CD47: variants seen among roughly 807,000 people sequenced by gnomAD.
CD47 encodes leukocyte surface antigen CD47.
A neutral mutation model predicts 44.6 loss-of-function variants in CD47; 11 were observed. The ratio of observed to expected loss-of-function variants is 0.25; its 90% CI spans 0.16 to 0.41. The LOEUF is 0.41. CD47 is among the 10% of genes least tolerant of loss of function. CD47 has a pLI of 1.00. For synonymous variants in CD47, 140 were observed against 136.3 expected (o/e 1.03, Z -0.19); for missense variants, 306 against 386.7 (o/e 0.79, Z 1.75).
intron 6 of CD47, among the ~76,000 whole-genome samples, chr3:108,058,018 ACT>A (rs2078942073): frequency 6.6e-6 from 1 of 152,094 alleles, no homozygotes; most frequent in African/African-American, 2.4e-5. Flanking sequence ...ATGAACAAAA[ACT>A]CTTATTTATT....
chr3:108,060,648 T>C (rs577297959), intron 4 of CD47, 97 bp downstream of exon 4: 2 of 767,894 alleles, frequency 2.6e-6, no homozygotes, highest in Non-Finnish European at 4.5e-6. Context: ...TTTGTGGTCA[T>C]CTGTTCCAAC....
At chr3:108,084,335 C>T (rs1480804082) in intron 1 of CD47, among the ~76,000 whole-genome samples, 1 of 151,784 alleles carries the variant, frequency 6.6e-6, no homozygotes, top group African/African-American at 2.4e-5. Context: ...CTCTTTCTTG[C>T]TCTTCTCTCT....
At chr3:108,055,606 T>C (rs751850940) in intron 7 of CD47, 35 of 1,159,716 alleles carry the variant, frequency 3.0e-5, no homozygotes, top group Non-Finnish European at 3.7e-5. Context: ...TAATTTAGGA[T>C]ACTATCAATA....
intron 2 of CD47, 62 bp downstream of exon 2, chr3:108,079,929 C>G (rs2079384386): frequency 8.7e-7 from 1 of 1,151,170 alleles, no homozygotes; most frequent in African/African-American, 1.6e-5. Flanking sequence ...TTGGCCTCCT[C>G]TCGAAAGAGG....
Position 108,058,429 on chromosome 3 carries a change from G to A in CD47, c.692C>T (p.Ala231Val), listed in dbSNP as rs1176172930. 1.0e-5 allele frequency: 16 copies of A among 1,551,024 alleles called. No homozygotes were observed. Among genetic ancestry groups the A allele is most frequent in the East Asian group, 4.7e-5 (2 of 42,806 alleles). ...AATGACGAAGGAGGTTAATCCAATCGCTGGAGGAAGGAAAAGGATGTAACA... is the reference window on the plus strand; with the variant it reads ...AATGACGAAGGAGGTTAATCCAATCACTGGAGGAAGGAAAAGGATGTAACA... ...ILLHYYVFST[A>V]IGLTSFVIAI... Residue 231 changes from alanine to valine, a missense_variant and splice_region_variant, in exon 6 of 11, where the codon GCG (alanine) becomes GTG (valine). By Grantham distance (64) the Ala-to-Val change is moderately conservative (BLOSUM62 0). This residue lies in a region of CD47 where 131 missense variants were observed against 135.3 expected (regional missense o/e 0.97). Coordinates refer to ENST00000361309, the MANE Select transcript of CD47 (RefSeq NM_001777.4).
chr3:108,075,760 G>A (rs2079299038), intron 2 of CD47, among the ~76,000 whole-genome samples: 1 of 152,174 alleles, frequency 6.6e-6, no homozygotes, highest in African/African-American at 2.4e-5. Flanking sequence ...CAAATCAGCT[G>A]ACTTTAAGAA....
chr3:108,047,140 T>C lies in CD47; in HGVS notation c.*148A>G. The stretch of plus-strand genomic sequence containing the variant: ...CTTTGAATAAAAACTTAACTAACAA[T>C]CACGTAAGGGTCTCATAGGTGACAA... On this transcript the variant is annotated 3_prime_UTR_variant, in exon 11 of 11. Transcript: ENST00000361309. The C allele has an allele frequency of 2.1e-6, 1 of 487,696 alleles. No homozygotes were observed. Among genetic ancestry groups the C allele is most frequent in the Non-Finnish European group, 3.7e-6 (1 of 270,378 alleles). The allele number at this position is 487,696 out of a possible 1,614,324, so 30.2% of individuals were successfully genotyped here.
In CD47 at chr3:108,047,167, C is replaced by CAGTT; in HGVS notation, c.*117_*120dup. The CAGTT allele has an allele frequency of 2.9e-6, 2 of 683,366 alleles. No individual in the cohort carries two copies. The highest frequency in any genetic ancestry group is 5.0e-6 in the Non-Finnish European group (2 of 402,984). 42.3% of individuals were successfully genotyped at this position (683,366 alleles called of 1,614,324 possible). ...ACGTAAGGGTCTCATAGGTGACAAC[C>CAGTT]AGTTACTTTTCTTGTTTCTTCTCCC... On this transcript the variant is annotated 3_prime_UTR_variant, in exon 11 of 11. Transcript: ENST00000361309.
chr3:108,049,429 A>G (rs556664433), intron 10 of CD47, among the ~76,000 whole-genome samples, 190 bp downstream of exon 10: 2 of 152,290 alleles, frequency 1.3e-5, no homozygotes, highest in Non-Finnish European at 2.9e-5. Flanking sequence ...GACACCCTAC[A>G]GTTTTTACAG....
chr3:108,056,297 T>C (rs1158606895), intron 7 of CD47, among the ~76,000 whole-genome samples: 1 of 152,264 alleles, frequency 6.6e-6, no homozygotes, highest in Non-Finnish European at 1.5e-5. Context: ...CTAAGACTTA[T>C]GAACTCATAT....
chr3:108,052,063 C>T, intron 7 of CD47, 93 bp from the exon 8 acceptor site: 1 of 632,132 alleles, frequency 1.6e-6, no homozygotes, highest in Non-Finnish European at 2.8e-6. Context: ...ATGTTCAGGG[C>T]TAAAACTAAA....
intron 2 of CD47, among the ~76,000 whole-genome samples, chr3:108,079,567 T>TAAAAAAAAAAAAAAA (rs71629342): frequency 9.4e-5 from 5 of 53,116 alleles, no homozygotes; most frequent in East Asian, 1.0e-3. Flanking sequence ...AGTGTAAGGT[T>TAAAAAAAAAAAAAAA]AAAAAAAAAA....
intron 10 of CD47, among the ~76,000 whole-genome samples, chr3:108,048,084 G>A (rs1214236824): frequency 6.6e-6 from 1 of 151,780 alleles, no homozygotes; most frequent in African/African-American, 2.4e-5. Flanking sequence ...TAGGACATCA[G>A]AATGTAAACA....
chr3:108,081,752 G>A (rs962681280), intron 1 of CD47, among the ~76,000 whole-genome samples: 4 of 151,874 alleles, frequency 2.6e-5, no homozygotes, highest in African/African-American at 9.7e-5. Context: ...AAAACATAGC[G>A]GCAAGTGCTC....
At chr3:108,058,627 C>T (rs889801718) in intron 5 of CD47, among the ~76,000 whole-genome samples, 198 bp from the exon 6 acceptor site, 10 of 152,176 alleles carry the variant, frequency 6.6e-5, no homozygotes, top group Non-Finnish European at 1.0e-4. Flanking sequence ...CATTCGGCAG[C>T]CTTTAATTTT....
At chr3:108,071,510 A>AC (rs2079202358) in intron 2 of CD47, among the ~76,000 whole-genome samples, 1 of 152,210 alleles carries the variant, frequency 6.6e-6, no homozygotes. Context: ...CCCAACTCTA[A>AC]CTTAACACTC....
At chr3:108,066,153 A>G (rs1270581932) in intron 3 of CD47, among the ~76,000 whole-genome samples, 1 of 152,022 alleles carries the variant, frequency 6.6e-6, no homozygotes, top group Non-Finnish European at 1.5e-5. Flanking sequence ...TTTTCCTTGA[A>G]TTTTCTAACA....
intron 1 of CD47, among the ~76,000 whole-genome samples, chr3:108,087,344 C>T (rs2079541266): frequency 1.3e-5 from 2 of 152,026 alleles, no homozygotes; most frequent in Admixed American, 1.3e-4. Context: ...AACGCAATCC[C>T]CCTAATGAAT....
chr3:108,083,285 A>G (rs1482979919), intron 1 of CD47, among the ~76,000 whole-genome samples: 1 of 152,090 alleles, frequency 6.6e-6, no homozygotes, highest in Non-Finnish European at 1.5e-5. Flanking sequence ...CTGTACAAGT[A>G]TTGGTGAATA....
Sources: gnomAD v4.1 joint callset for allele counts (sites outside exome capture counted in the v4.1 genomes callset) on GRCh38, gnomAD v4.1.1 for gene constraint, gnomAD v4.1.1 regional missense constraint, MANE v1.5 for transcripts, NCBI Gene and HGNC (gene_info 2026-07-23, HGNC 2026-07-21) for gene names.